EFNA1: variants seen among roughly 807,000 people sequenced by gnomAD.
EFNA1 encodes the protein ephrin-A1.
In EFNA1, 8 loss-of-function variants were observed where a neutral mutation model predicts 23.2. That is an observed-to-expected ratio of 0.34 (90% CI 0.20 to 0.62). EFNA1 has a LOEUF of 0.62. EFNA1 is among the 20% of genes least tolerant of loss of function. The probability of loss-of-function intolerance (pLI) is 0.75; values close to 1 mark genes in which losing one functional copy is unlikely to be tolerated. For synonymous variants in EFNA1, 89 were observed against 98.6 expected, an observed-to-expected ratio of 0.90 and a Z score of 0.58; for missense variants, 217 against 260.0, an observed-to-expected ratio of 0.83 and a Z score of 1.14.
At chr1:155,133,436 G>A in intron 2 of EFNA1, 67 bp from the exon 3 acceptor site, 1 of 1,553,936 alleles carries the variant, frequency 6.4e-7, no homozygotes, top group Admixed American at 1.7e-5. Flanking sequence ...CAGGGCGAGG[G>A]GCATTTGGAC....
At position 155,133,974 on chromosome 1, in the gene EFNA1, T is replaced by G; in HGVS notation, c.525T>G (p.Val175=). 3 of 1,614,096 alleles carry G rather than the reference T, an allele frequency of 1.9e-6. No homozygotes were observed. Among genetic ancestry groups the G allele is most frequent in the Non-Finnish European group, 2.5e-6 (3 of 1,179,978 alleles). Residue 175 remains valine, a synonymous_variant, in exon 5 of 5, where the codon GTT becomes GTG. Transcript: ENST00000368407. ...TTGCAGATGACCCAGAGGTGCGGGT[T>G]CTACATAGCATCGGTCACAGTGCTG... ...RLAADDPEVR[V]LHSIGHSAAP...
In EFNA1 at chr1:155,130,489, AGAG is replaced by A. The variant is rs1402402317; in HGVS notation, c.93-843_93-841del. 117 of 958,996 alleles carry A rather than the reference AGAG, an allele frequency of 1.2e-4. 1 individual carries two copies. The highest frequency in any genetic ancestry group is 6.9e-5 in the Admixed American group (1 of 14,578). The allele number at this position is 958,996 out of a possible 1,614,324, so 59.4% of individuals were successfully genotyped here. On this transcript the variant is annotated intron_variant, in intron 1 of 4. Coordinates refer to ENST00000368407, the MANE Select transcript of EFNA1 (RefSeq NM_004428.3). ...GGAGGGGAGAGGAGGGGAGAGGGGG[AGAG>A]GAGGAGAGAGGGGAGAGAGGGGAGA...
intron 3 of EFNA1, 54 bp from the exon 4 acceptor site, chr1:155,133,676 A>G (rs576921501): frequency 6.2e-7 from 1 of 1,610,002 alleles, no homozygotes; most frequent in South Asian, 1.1e-5. Flanking sequence ...TCATACTTAC[A>G]GCCCTCTGCC....
At chr1:155,132,845 G>A (rs1195621403) in intron 2 of EFNA1, among the ~76,000 whole-genome samples, 1 of 151,934 alleles carries the variant, frequency 6.6e-6, no homozygotes, top group African/African-American at 2.4e-5. Flanking sequence ...AGAAAGTTAT[G>A]AGATCAGCTT....
intron 1 of EFNA1, chr1:155,130,504 G>C (rs969344046): frequency 1.0e-6 from 1 of 983,552 alleles, no homozygotes; most frequent in African/African-American, 1.8e-5. Context: ...AGGAGAGAGG[G>C]GAGAGAGGGG....
At chr1:155,129,545 ACACG>A (rs1438054133) in intron 1 of EFNA1, 3 of 120,428 alleles carry the variant, frequency 2.5e-5, no homozygotes, top group Non-Finnish European at 4.8e-5. Context: ...ACACACACAC[ACACG>A]CACACCCTAT....
Position 155,134,171 on chromosome 1 carries a change from C to T in EFNA1, c.*104C>T, listed in dbSNP as rs1054624003. 1 of 1,085,456 alleles carries T rather than the reference C, an allele frequency of 9.2e-7. No individual in the cohort carries two copies. Among genetic ancestry groups the T allele is most frequent in the Non-Finnish European group, 1.4e-6 (1 of 733,172 alleles). 67.2% of individuals were successfully genotyped at this position (1,085,456 alleles called of 1,614,324 possible). A position where few individuals can be genotyped will look rare whatever the true frequency, so the allele number is the denominator to read the frequency against. ...TTTCAGAGCCCCCAGCCCTGGGAAC[C>T]ACTCCCACCACAGGCATAAGCTATC... On this transcript the variant is annotated 3_prime_UTR_variant, in exon 5 of 5. Coordinates refer to ENST00000368407, the MANE Select transcript of EFNA1 (RefSeq NM_004428.3).
intron 2 of EFNA1, among the ~76,000 whole-genome samples, chr1:155,133,018 C>A (rs1029512566): frequency 6.6e-6 from 1 of 151,840 alleles, no homozygotes; most frequent in East Asian, 1.9e-4. Context: ...TCAATTGATT[C>A]TTCTGCCTCA....
intron 2 of EFNA1, among the ~76,000 whole-genome samples, chr1:155,132,109 T>TG (rs918417560): frequency 6.6e-6 from 1 of 151,932 alleles, no homozygotes; most frequent in Non-Finnish European, 1.5e-5. Flanking sequence ...TGGCTGGAGT[T>TG]GGAGGGACAC....
chr1:155,130,484 G>GGGGGAGAGGA lies in EFNA1; in HGVS notation c.93-852_93-843dup, dbSNP rs1476894960. The GGGGGAGAGGA allele has an allele frequency of 1.8e-4, 178 of 978,464 alleles. 1 individual carries two copies. In the East Asian group the frequency reaches 0.013, roughly 73 times the overall value. The allele number at this position is 978,464 out of a possible 1,614,324, so 60.6% of individuals were successfully genotyped here. On this transcript the variant is annotated intron_variant, in intron 1 of 4. Coordinates refer to ENST00000368407, the MANE Select transcript of EFNA1 (RefSeq NM_004428.3). Reference sequence around the variant, plus strand: ...TGGGAGGAGGGGAGAGGAGGGGAGAGGGGGAGAGGAGGAGAGAGGGGAGAG... The same window carrying GGGGGAGAGGA: ...TGGGAGGAGGGGAGAGGAGGGGAGAGGGGGAGAGGAGGGGAGAGGAGGAGAGAGGGGAGAG...
chr1:155,127,961 T>G lies in EFNA1; in HGVS notation c.-17T>G. On this transcript the variant is annotated 5_prime_UTR_variant, in exon 1 of 5. Coordinates refer to ENST00000368407, the MANE Select transcript of EFNA1 (RefSeq NM_004428.3). The surrounding 1 kb of genome is among the most constrained non-coding windows in gnomAD (Gnocchi z 4.4). ...AGGAGACCCGCGTCCCCGCTCGGCC[T>G]GGCCAGGCCCCGCGCTATGGAGTTC... 1 of 1,609,818 alleles carries G rather than the reference T, an allele frequency of 6.2e-7. No individual in the cohort carries two copies. The highest frequency in any genetic ancestry group is 8.5e-7 in the Non-Finnish European group (1 of 1,178,398).
chr1:155,131,645 G>T lies in EFNA1; in HGVS notation c.388+11G>T, dbSNP rs1232845855. 6.2e-6 allele frequency: 10 copies of T among 1,604,180 alleles called. No individual in the cohort carries two copies. Among genetic ancestry groups the T allele is most frequent in the African/African-American group, 2.7e-5 (2 of 74,762 alleles). On this transcript the variant is annotated intron_variant, in intron 2 of 4. Transcript: ENST00000368407. ...GCTACTACTACATCTGTGAGTGCCT[G>T]TGAGGGGACAGTGTCTGTGTTTCTT...
intron 1 of EFNA1, 75 bp downstream of exon 1, chr1:155,128,144 A>G: frequency 7.4e-7 from 1 of 1,346,244 alleles, no homozygotes; most frequent in Non-Finnish European, 1.1e-6. Context: ...GTCCCGGCCA[A>G]ACCCTGAGCT....
In EFNA1 at chr1:155,131,323, CTGTG is replaced by C. The variant is rs760246829; in HGVS notation, c.93-10_93-7del. 6.3e-7 allele frequency: 1 copy of C among 1,577,496 alleles called. No homozygotes were observed. The stretch of plus-strand genomic sequence containing the variant: ...CTGAATGACCACCTGCTTCTTCCCC[CTGTG>C]TGTGTCCCCAGGTTCCGGAATGAGG... On this transcript the variant is annotated splice_polypyrimidine_tract_variant and intron_variant, in intron 1 of 4. Coordinates refer to ENST00000368407, the MANE Select transcript of EFNA1 (RefSeq NM_004428.3).
Position 155,130,898 on chromosome 1 carries a change from G to A in EFNA1, c.93-441G>A, listed in dbSNP as rs146696813. ...GCATGGTAAAGAGAAAGGGTTTCCTGGATTCTGATTACAGAATGGACCTGT... is the reference window on the plus strand; with the variant it reads ...GCATGGTAAAGAGAAAGGGTTTCCTAGATTCTGATTACAGAATGGACCTGT... On this transcript the variant is annotated intron_variant, in intron 1 of 4. Coordinates refer to ENST00000368407, the MANE Select transcript of EFNA1 (RefSeq NM_004428.3). 15 of 985,322 alleles carry A rather than the reference G, an allele frequency of 1.5e-5. No homozygotes were observed. The East Asian group carries it at 1.5e-3, about 97-fold the overall frequency. 61.0% of individuals were successfully genotyped at this position (985,322 alleles called of 1,614,324 possible).
At chr1:155,131,800 G>A (rs1290028394) in intron 2 of EFNA1, among the ~76,000 whole-genome samples, 166 bp downstream of exon 2, 1 of 152,140 alleles carries the variant, frequency 6.6e-6, no homozygotes, top group East Asian at 1.9e-4. Context: ...TATGTGCTGG[G>A]CACTCTGTTT....
At chr1:155,132,228 G>GTTTTA (rs900507070) in intron 2 of EFNA1, among the ~76,000 whole-genome samples, 13 of 152,092 alleles carry the variant, frequency 8.5e-5, no homozygotes, top group South Asian at 4.2e-4. Flanking sequence ...CCACTGATGG[G>GTTTTA]TTTTATTTTA....
At chr1:155,129,908 G>A (rs1036783534) in intron 1 of EFNA1, 2 of 152,516 alleles carry the variant, frequency 1.3e-5, no homozygotes, top group African/African-American at 4.8e-5. Flanking sequence ...CATGAGTGCT[G>A]GGGCGGGTAG....
At chr1:155,132,983 TTGC>T (rs1664272212) in intron 2 of EFNA1, among the ~76,000 whole-genome samples, 1 of 151,718 alleles carries the variant, frequency 6.6e-6, no homozygotes, top group African/African-American at 2.4e-5. Context: ...CGATCTCGAC[TTGC>T]TGCAACCTCC....
Sources: gnomAD v4.1 joint callset for allele counts (sites outside exome capture counted in the v4.1 genomes callset) on GRCh38, gnomAD v4.1.1 for gene constraint, Gnocchi (gnomAD v3.1) non-coding constraint, MANE v1.5 for transcripts, NCBI Gene and HGNC (gene_info 2026-07-23, HGNC 2026-07-21) for gene names.